Variants in PTPN13 observed in about 807,000 individuals in gnomAD.
The protein encoded by PTPN13 is tyrosine-protein phosphatase non-receptor type 13.
Under a neutral mutation model 284.0 loss-of-function variants are expected in PTPN13, and 191 were observed. That is an observed-to-expected ratio of 0.67 (90% CI 0.60 to 0.76). The LOEUF is 0.76. Among genes scored for constraint, PTPN13 ranks in the 30% least tolerant of loss-of-function variants. PTPN13 has a pLI of 0.00. For missense variants in PTPN13, 2,797 were observed against 2,939.9 expected (o/e 0.95, Z 1.12); for synonymous variants, 986 against 1,022.3 (o/e 0.96, Z 0.68).
At chr4:86,684,416 G>A (rs977554010) in intron 3 of PTPN13, among the ~76,000 whole-genome samples, 1 of 152,104 alleles carries the variant, frequency 6.6e-6, no homozygotes, top group Non-Finnish European at 1.5e-5. Context: ...TTGTGATAAG[G>A]GAAGGAGCGA....
chr4:86,741,756 T>C lies in PTPN13; in HGVS notation c.2427T>C (p.Asn809=). The C allele has an allele frequency of 6.2e-7, 1 of 1,613,114 alleles. No individual in the cohort carries two copies. The highest frequency in any genetic ancestry group is 8.5e-7 in the Non-Finnish European group (1 of 1,179,472). The change falls in exon 16 of 48, where the codon AAT becomes AAC. Residue 809 remains asparagine, a synonymous_variant. Transcript: ENST00000411767. ...SKGVLVFEVH[N]GVRTLVLRFP... ...GTGTCCTTGTGTTTGAAGTTCACAA[T>C]GGAGTGCGCACATTGGTCCTTCGCT...
intron 7 of PTPN13, among the ~76,000 whole-genome samples, chr4:86,712,980 CAGA>C (rs1472176980): frequency 1.2e-3 from 182 of 152,090 alleles, no homozygotes; most frequent in African/African-American, 4.1e-3. Context: ...AATGGAAATT[CAGA>C]TTAAAATTTA....
At chr4:86,793,652 G>A (rs890533811) in intron 40 of PTPN13, among the ~76,000 whole-genome samples, 1 of 152,100 alleles carries the variant, frequency 6.6e-6, no homozygotes, top group Non-Finnish European at 1.5e-5. Context: ...ATAACAAACT[G>A]TCTCTCAGAC....
At chr4:86,789,385 T>C (rs28572183) in intron 40 of PTPN13, among the ~76,000 whole-genome samples, 15,147 of 152,234 alleles carry the variant, frequency 0.099, 876 homozygotes, top group Non-Finnish European at 0.11. Context: ...GGTTGGATCT[T>C]AGGACTGGCT....
At chr4:86,658,722 A>G (rs1009002990) in intron 2 of PTPN13, among the ~76,000 whole-genome samples, 18 of 152,216 alleles carry the variant, frequency 1.2e-4, no homozygotes, top group Non-Finnish European at 4.4e-5. Context: ...AAACAGAACA[A>G]TTAATGAAGA....
intron 2 of PTPN13, among the ~76,000 whole-genome samples, chr4:86,666,771 C>T (rs1565273429): frequency 6.6e-6 from 1 of 152,046 alleles, no homozygotes; most frequent in Non-Finnish European, 1.5e-5. Context: ...TTACATAGCA[C>T]GTGGTAAAGG....
intron 2 of PTPN13, among the ~76,000 whole-genome samples, chr4:86,660,940 A>T (rs1006147897): frequency 1.3e-5 from 2 of 152,170 alleles, no homozygotes; most frequent in Admixed American, 6.5e-5. Flanking sequence ...CTTGGTGATA[A>T]ATGTTACTTT....
chr4:86,686,642 T>C (rs1729488594), intron 3 of PTPN13, 68 bp from the exon 4 acceptor site: 1 of 1,007,038 alleles, frequency 9.9e-7, no homozygotes, highest in Non-Finnish European at 1.5e-6. Flanking sequence ...TAATCTGTTT[T>C]TATAGCACTT....
Position 86,775,322 on chromosome 4 carries a change from C to T in PTPN13, c.5660C>T (p.Thr1887Met), listed in dbSNP as rs1740509102. Residue 1887 changes from threonine (T) to methionine (M), a missense_variant, in exon 34 of 48, where the codon ACG (threonine) becomes ATG (methionine). Coordinates refer to ENST00000411767, the MANE Select transcript of PTPN13 (RefSeq NM_080683.3). ...CATTTGCTACCGGACATAACACTAA[C>T]GTGCAACAAAGAGGAGTTGGGTAAT... ...LPHLLPDITL[T>M]CNKEELGFSL... The T allele has an allele frequency of 3.7e-6, 6 of 1,612,264 alleles. No homozygotes were observed. Among genetic ancestry groups the T allele is most frequent in the South Asian group, 1.1e-5 (1 of 90,490 alleles).
chr4:86,813,015 T>G (rs765987722), intron 47 of PTPN13, among the ~76,000 whole-genome samples: 70 of 152,204 alleles, frequency 4.6e-4, no homozygotes, highest in Middle Eastern at 3.4e-3. Context: ...TGCTAATGGG[T>G]TGTATGTGGT....
intron 6 of PTPN13, among the ~76,000 whole-genome samples, chr4:86,694,715 T>C (rs1405717378): frequency 2.0e-5 from 3 of 152,128 alleles, no homozygotes; most frequent in Non-Finnish European, 4.4e-5. Context: ...CTTTTGATTT[T>C]GTTGATTATC....
At chr4:86,719,019 G>T (rs537744982) in intron 9 of PTPN13, among the ~76,000 whole-genome samples, 3 of 152,178 alleles carry the variant, frequency 2.0e-5, no homozygotes, top group African/African-American at 7.2e-5. Flanking sequence ...GGGTACATGT[G>T]AAGGTTTGTT....
rs371242795 is a variant in PTPN13, at chr4:86,808,653, A to G, written c.7083+756A>G. 2.3e-4 allele frequency among the ~76,000 whole-genome samples: 35 copies of G among 152,350 alleles called. 1 individual carries two copies. In the South Asian group the frequency reaches 7.3e-3, roughly 32 times the overall value. ...TTGATTCATGATTTTTTATTGATTT[A>G]CACTAGCTTACCTATTACTTAGGCT... On this transcript the variant is annotated intron_variant, in intron 45 of 47. Coordinates refer to ENST00000411767, the MANE Select transcript of PTPN13 (RefSeq NM_080683.3).
chr4:86,701,385 C>G lies in PTPN13; in HGVS notation c.779C>G (p.Ser260Ter). 1 of 1,613,250 alleles carries G rather than the reference C, an allele frequency of 6.2e-7. No individual in the cohort carries two copies. Among genetic ancestry groups the G allele is most frequent in the Middle Eastern group, 1.6e-4 (1 of 6,062 alleles). ...GAGAATTATTTCAAGGACATTTTAT[C>G]AGATAATTCTGGACGTGAAGATTCT... ...QDENYFKDIL[S>*]DNSGREDSEN... Residue 260 changes from serine to a stop codon, truncating the protein, a stop_gained, in exon 7 of 48, where the codon TCA (serine) becomes TGA (stop). Coordinates refer to ENST00000411767, the MANE Select transcript of PTPN13 (RefSeq NM_080683.3). LOFTEE classifies it high-confidence loss of function.
chr4:86,708,310 A>G (rs1712679010), intron 7 of PTPN13, among the ~76,000 whole-genome samples: 1 of 152,004 alleles, frequency 6.6e-6, no homozygotes, highest in Admixed American at 6.6e-5. Flanking sequence ...CATTTGGGAG[A>G]TGGTGAGCAA....
At chr4:86,678,932 A>G (rs1728592498) in intron 3 of PTPN13, among the ~76,000 whole-genome samples, 2 of 152,172 alleles carry the variant, frequency 1.3e-5, no homozygotes, top group Non-Finnish European at 2.9e-5. Context: ...CATTCTGTAA[A>G]GTACAGTCTG....
intron 2 of PTPN13, among the ~76,000 whole-genome samples, chr4:86,636,942 A>G (rs1399338647): frequency 2.6e-5 from 4 of 151,306 alleles, no homozygotes; most frequent in Non-Finnish European, 5.9e-5. Context: ...CAAGACTAAT[A>G]AAGAAAAAAA....
Position 86,782,266 on chromosome 4 carries a change from A to G in PTPN13, c.6024+4A>G. On this transcript the variant is annotated splice_donor_region_variant and intron_variant, in intron 37 of 47. Coordinates refer to ENST00000411767, the MANE Select transcript of PTPN13 (RefSeq NM_080683.3). ...TCCTAATGATTCATTCTCCACGGTA[A>G]GAAAAAGCCCACCCTCTTTCATGTC... 6.3e-7 allele frequency: 1 copy of G among 1,599,710 alleles called. No individual in the cohort carries two copies. The highest frequency in any genetic ancestry group is 8.6e-7 in the Non-Finnish European group (1 of 1,167,004).
intron 2 of PTPN13, among the ~76,000 whole-genome samples, chr4:86,645,414 G>C (rs1724310017): frequency 6.6e-6 from 1 of 152,076 alleles, no homozygotes; most frequent in African/African-American, 2.4e-5. Context: ...AAGGCATCCA[G>C]ATTAGAAAAA....
Sources: gnomAD v4.1 joint callset for allele counts (sites outside exome capture counted in the v4.1 genomes callset) on GRCh38, gnomAD v4.1.1 for gene constraint, MANE v1.5 for transcripts, NCBI Gene and HGNC (gene_info 2026-07-23, HGNC 2026-07-21) for gene names.